FOXN1: variants seen among roughly 807,000 people sequenced by gnomAD.
FOXN1 encodes forkhead box N1, also known as forkhead box protein N1.
In FOXN1, 15 loss-of-function variants were observed where a neutral mutation model predicts 49.0. The ratio of observed to expected loss-of-function variants is 0.31; its 90% CI spans 0.20 to 0.47. The LOEUF (loss-of-function observed/expected upper bound fraction) is 0.47, where lower values mean the gene tolerates loss of function less well. FOXN1 is among the 20% of genes least tolerant of loss of function. The pLI is 1.00. For missense variants in FOXN1, 800 were observed against 842.8 expected (o/e 0.95, Z 0.63); for synonymous variants, 356 against 369.0 (o/e 0.96, Z 0.40).
In FOXN1 at chr17:28,524,699, C is replaced by G; in HGVS notation, c.320C>G (p.Ala107Gly). The change falls in exon 3 of 9, where the codon GCC becomes GGC. Residue 107 changes from alanine (A) to glycine (G), a missense_variant. Physicochemically the swap from Ala to Gly is moderately conservative, Grantham distance 60. This residue lies in a region of FOXN1 where 383 missense variants were observed against 357.9 expected (regional missense o/e 1.07). Transcript: ENST00000579795. ...TATCCTGGCTTTGGCTTTGAGGAGG[C>G]CGCAGCAAGCAGCCCTGGGCGATTC... ...DKYPGFGFEE[A>G]AASSPGRFLK... The G allele has an allele frequency of 6.2e-7, 1 of 1,612,892 alleles. No homozygotes were observed. The highest frequency in any genetic ancestry group is 2.2e-5 in the East Asian group (1 of 44,786).
chr17:28,526,362 G>T (rs1386167583), intron 3 of FOXN1, among the ~76,000 whole-genome samples: 2 of 152,228 alleles, frequency 1.3e-5, no homozygotes, highest in African/African-American at 4.8e-5. Flanking sequence ...CAGCTGATTT[G>T]CCCCTCTGGG....
chr17:28,531,835 G>C (rs571748673), intron 6 of FOXN1, among the ~76,000 whole-genome samples: 3 of 152,264 alleles, frequency 2.0e-5, no homozygotes, highest in African/African-American at 7.2e-5. Context: ...ATAATTTGAC[G>C]CTTGATGTTC....
Position 28,523,935 on chromosome 17 carries a change from T to C in FOXN1, c.-14-21T>C, listed in dbSNP as rs368343189. On this transcript the variant is annotated intron_variant, in intron 1 of 8. Transcript: ENST00000579795. The stretch of plus-strand genomic sequence containing the variant: ...CACTGGATGCTGGTCCTCACTCTCA[T>C]GGCAGACGGCTTTCTTTGAGGCCAG... The C allele has an allele frequency of 2.5e-6, 4 of 1,612,908 alleles. No individual in the cohort carries two copies. In the African/African-American group the frequency reaches 4.0e-5, roughly 16 times the overall value.
rs2069847842 is a variant in FOXN1 at position 28,529,229 on chromosome 17, A to G, written c.830+5A>G. 1 of 1,613,914 alleles carries G rather than the reference A, an allele frequency of 6.2e-7. No homozygotes were observed. The highest frequency in any genetic ancestry group is 8.5e-7 in the Non-Finnish European group (1 of 1,179,910). On this transcript the variant is annotated splice_donor_5th_base_variant and intron_variant, in intron 5 of 8. Coordinates refer to ENST00000579795, the MANE Select transcript of FOXN1 (RefSeq NM_001369369.1). ...AAAACCCATCTATTCCTACAGGTAC[A>G]TTTCCCACTCTCCAGGGATGGGAGG...
At chr17:28,536,423 G>A (rs1414727689) in intron 8 of FOXN1, among the ~76,000 whole-genome samples, 1 of 152,218 alleles carries the variant, frequency 6.6e-6, no homozygotes, top group East Asian at 1.9e-4. Context: ...CTTCATGGAA[G>A]CACACAGAGG....
At chr17:28,535,245 G>C in intron 8 of FOXN1, 47 bp downstream of exon 8, 2 of 1,595,034 alleles carry the variant, frequency 1.3e-6, no homozygotes, top group Non-Finnish European at 1.7e-6. Flanking sequence ...CTGGAGAGGA[G>C]CACCTGGCAG....
intron 5 of FOXN1, 73 bp from the exon 6 acceptor site, chr17:28,530,676 G>T: frequency 1.2e-6 from 1 of 826,528 alleles, no homozygotes; most frequent in South Asian, 1.3e-5. Context: ...CCTCTCACCA[G>T]GGGTGGGGGG....
At chr17:28,518,709 C>A (rs976136120) in intron 1 of FOXN1, among the ~76,000 whole-genome samples, 2 of 152,188 alleles carry the variant, frequency 1.3e-5, no homozygotes, top group Non-Finnish European at 2.9e-5. Flanking sequence ...AATGCCCAGA[C>A]GCTGAAAAGG....
At chr17:28,530,893 G>A in intron 6 of FOXN1, 48 bp downstream of exon 6, 1 of 1,055,372 alleles carries the variant, frequency 9.5e-7, no homozygotes, top group Non-Finnish European at 1.5e-6. Flanking sequence ...GTCCTGGACA[G>A]GCCAGGCCTC....
At position 28,518,334 on chromosome 17, in the gene FOXN1, G is replaced by A. The variant is rs1393754303; in HGVS notation, c.-14-5622G>A. ...AGGAACTGAAGTACAGAAAGGGGAA[G>A]TGAGTTATCCAACATCACACAGCCA... On this transcript the variant is annotated intron_variant, in intron 1 of 8. Transcript: ENST00000579795. Among the ~76,000 whole-genome samples the A allele has an allele frequency of 2.0e-5, 3 of 152,348 alleles. No individual in the cohort carries two copies. In the East Asian group the frequency reaches 5.8e-4, roughly 29 times the overall value.
intron 1 of FOXN1, among the ~76,000 whole-genome samples, chr17:28,518,395 C>G (rs1227336763): frequency 6.6e-6 from 1 of 152,228 alleles, no homozygotes; most frequent in Non-Finnish European, 1.5e-5. Context: ...CTAAACGGCC[C>G]CCTCTGCCTG....
In FOXN1 at chr17:28,524,026, G is replaced by A. The variant is rs1179305669; in HGVS notation, c.57G>A (p.Leu19=). ...TCACGCTGCCGGGCCCCACCAGACT[G>A]GAGGGCGAGCGCCAAGGGGACCTCA... ...SDVTLPGPTR[L]EGERQGDLMQ... is the part of the protein sequence containing the mutation. The change falls in exon 2 of 9, where the codon CTG becomes CTA. Residue 19 remains leucine, a synonymous_variant. Transcript: ENST00000579795. 18 of 1,612,596 alleles carry A rather than the reference G, an allele frequency of 1.1e-5. No individual in the cohort carries two copies. Among genetic ancestry groups the A allele is most frequent in the Non-Finnish European group, 1.5e-5 (18 of 1,179,898 alleles).
intron 8 of FOXN1, 73 bp from the exon 9 acceptor site, chr17:28,537,044 G>A: frequency 8.8e-7 from 1 of 1,133,476 alleles, no homozygotes; most frequent in Non-Finnish European, 1.3e-6. Context: ...TGTGAAGATT[G>A]ACAGGGAGGA....
chr17:28,527,142 G>A (rs778315344), intron 3 of FOXN1, 109 bp from the exon 4 acceptor site: 9 of 754,198 alleles, frequency 1.2e-5, no homozygotes, highest in Admixed American at 2.0e-5. Context: ...CCAGGAATAA[G>A]CTTTGGGGGA....
rs146492596 is a variant in FOXN1 at position 28,535,092 on chromosome 17, C to T, written c.1521C>T (p.Ala507=). The change falls in exon 8 of 9, where the codon GCC becomes GCT. Residue 507 remains alanine, a synonymous_variant. Coordinates refer to ENST00000579795, the MANE Select transcript of FOXN1 (RefSeq NM_001369369.1). ...CCAGCCACAGTGCCAAGCTACTGGC[C>T]GAGCCTTCCCCAGCCAGGACTATGC... ...TPPSHSAKLL[A]EPSPARTMHD... is the part of the protein sequence containing the mutation. The T allele has an allele frequency of 1.7e-5, 28 of 1,606,962 alleles. No homozygotes were observed. Among genetic ancestry groups the T allele is most frequent in the East Asian group, 2.2e-5 (1 of 44,756 alleles).
chr17:28,529,895 A>C (rs1208734481), intron 5 of FOXN1, among the ~76,000 whole-genome samples: 2 of 152,184 alleles, frequency 1.3e-5, no homozygotes, highest in East Asian at 3.8e-4. Flanking sequence ...ATTCACTGAA[A>C]GACATACACG....
intron 1 of FOXN1, among the ~76,000 whole-genome samples, chr17:28,512,584 C>T (rs531639192): frequency 6.6e-6 from 1 of 152,344 alleles, no homozygotes; most frequent in Non-Finnish European, 1.5e-5. Flanking sequence ...GCCTGGGCAA[C>T]AAAGCAAGAC....
intron 1 of FOXN1, among the ~76,000 whole-genome samples, chr17:28,517,965 G>A (rs1282000895): frequency 2.8e-5 from 4 of 143,710 alleles, no homozygotes; most frequent in South Asian, 2.2e-4. Flanking sequence ...CCTCCACAGG[G>A]TACATGCCTC....
chr17:28,510,590 A>G (rs113495117), intron 1 of FOXN1, among the ~76,000 whole-genome samples: 23 of 138,726 alleles, frequency 1.7e-4, no homozygotes, highest in South Asian at 1.1e-3. Flanking sequence ...GCACACACAC[A>G]CACACACACA....
Sources: gnomAD v4.1 joint callset for allele counts (sites outside exome capture counted in the v4.1 genomes callset) on GRCh38, gnomAD v4.1.1 for gene constraint, gnomAD v4.1.1 regional missense constraint, MANE v1.5 for transcripts, NCBI Gene and HGNC (gene_info 2026-07-23, HGNC 2026-07-21) for gene names.